NPY1R: variants seen among roughly 807,000 people sequenced by gnomAD.
NPY1R encodes neuropeptide Y receptor type 1.
Under a neutral mutation model 24.1 loss-of-function variants are expected in NPY1R, and 10 were observed. That is an observed-to-expected ratio of 0.42 (90% CI 0.26 to 0.71). The LOEUF (loss-of-function observed/expected upper bound fraction) is 0.71, where lower values mean the gene tolerates loss of function less well. Among genes scored for constraint, NPY1R ranks in the 30% least tolerant of loss-of-function variants. The pLI is 0.28. For synonymous variants in NPY1R, 168 were observed against 165.9 expected, an observed-to-expected ratio of 1.01 and a Z score of -0.10; for missense variants, 350 against 458.0, an observed-to-expected ratio of 0.76 and a Z score of 2.15.
rs990965813 is a variant in NPY1R, at chr4:163,326,024, T to C, written c.531A>G (p.Gln177=). The C allele has an allele frequency of 8.1e-6, 13 of 1,613,998 alleles. No individual in the cohort carries two copies. The highest frequency in any genetic ancestry group is 1.3e-5 in the African/African-American group (1 of 74,928). ...TTTGGAACGGCTCATCAGTCATTACTTGGTAGATCAGGAAAGGCAAAGAAG... is the reference window on the plus strand; with the variant it reads ...TTTGGAACGGCTCATCAGTCATTACCTGGTAGATCAGGAAAGGCAAAGAAG... ...VASSLPFLIY[Q]VMTDEPFQNV... Residue 177 remains glutamine, a synonymous_variant, in exon 2 of 3, where the codon CAA becomes CAG. Transcript: ENST00000296533.
rs894776624 is a variant in NPY1R at position 163,324,896 on chromosome 4, C to T, written c.*407G>A. On this transcript the variant is annotated 3_prime_UTR_variant, in exon 3 of 3. Coordinates refer to ENST00000296533, the MANE Select transcript of NPY1R (RefSeq NM_000909.6). ...ATGCCTATCATAAAGTAAGGATGGC[C>T]CAATCTGTTGACAATCTAATCTAAT... 6.1e-6 allele frequency: 1 copy of T among 163,382 alleles called. No individual in the cohort carries two copies. Among genetic ancestry groups the T allele is most frequent in the African/African-American group, 2.4e-5 (1 of 41,496 alleles). 10.1% of individuals were successfully genotyped at this position (163,382 alleles called of 1,614,324 possible).
intron 1 of NPY1R, among the ~76,000 whole-genome samples, chr4:163,332,111 G>A (rs1339593121): frequency 6.6e-6 from 1 of 152,252 alleles, no homozygotes; most frequent in Admixed American, 6.5e-5. Context: ...AGACACGTAA[G>A]GAAAATGAGC....
At chr4:163,336,992 G>GTT (rs10710696), upstream of NPY1R, among the ~76,000 whole-genome samples, 467 of 150,842 alleles carry the variant, frequency 3.1e-3, 4 homozygotes, top group African/African-American at 0.011. Flanking sequence ...AGGAGAAAGT[G>GTT]TTTTTTTTTT....
At chr4:163,329,528 G>A (rs34999086) in intron 1 of NPY1R, among the ~76,000 whole-genome samples, 3,258 of 152,010 alleles carry the variant, frequency 0.021, 99 homozygotes, top group Admixed American at 0.073. Flanking sequence ...TTGAACCTGG[G>A]AGGCAGAGGT....
chr4:163,342,785 G>A (rs976682033), intron 1 of NPY1R, among the ~76,000 whole-genome samples: 5 of 152,198 alleles, frequency 3.3e-5, no homozygotes, highest in African/African-American at 1.2e-4. Flanking sequence ...TGCTCCCAAG[G>A]GGTACAGTTC....
Position 163,325,126 on chromosome 4 carries a change from G to C in NPY1R, c.*177C>G. ...GAAGACCCCAAAGCCCACACCTTTT[G>C]TTCCAAATGTAATTATGACAACTAC... is the stretch of plus-strand genomic sequence containing the variant. On this transcript the variant is annotated 3_prime_UTR_variant, in exon 3 of 3. Transcript: ENST00000296533. 1.7e-6 allele frequency: 1 copy of C among 593,216 alleles called. No individual in the cohort carries two copies. Among genetic ancestry groups the C allele is most frequent in the Non-Finnish European group, 2.9e-6 (1 of 340,028 alleles). 36.7% of individuals were successfully genotyped at this position (593,216 alleles called of 1,614,324 possible). A position where few individuals can be genotyped will look rare whatever the true frequency, so the allele number is the denominator to read the frequency against.
chr4:163,337,150 G>A (rs1332182218), upstream of NPY1R, among the ~76,000 whole-genome samples: 1 of 152,094 alleles, frequency 6.6e-6, no homozygotes, highest in Non-Finnish European at 1.5e-5. Context: ...AATACATCTA[G>A]AAAGAGTACA....
intron 1 of NPY1R, among the ~76,000 whole-genome samples, chr4:163,330,040 G>C (rs1276067162): frequency 6.6e-6 from 1 of 152,140 alleles, no homozygotes; most frequent in Admixed American, 6.5e-5. Flanking sequence ...CAAGGAAAGA[G>C]AAGAAATGGG....
rs116439828 is a variant in NPY1R at position 163,332,012 on chromosome 4, G to A, written c.-152+470C>T. Among the ~76,000 whole-genome samples the A allele has an allele frequency of 5.0e-3, 767 of 152,280 alleles. 5 individuals carry two copies. The highest frequency in any genetic ancestry group is 0.017 in the African/African-American group (706 of 41,568). On this transcript the variant is annotated intron_variant, in intron 1 of 2. Coordinates refer to ENST00000296533, the MANE Select transcript of NPY1R (RefSeq NM_000909.6). The stretch of plus-strand genomic sequence containing the variant: ...CGGGACCCGTGCGACGCTGGGCGAC[G>A]CGCCAAGCCCACCCTTCTCCGGCTC...
At chr4:163,335,563 T>G (rs952230861), upstream of NPY1R, among the ~76,000 whole-genome samples, 1 of 152,282 alleles carries the variant, frequency 6.6e-6, no homozygotes, top group East Asian at 1.9e-4. Flanking sequence ...TAAATTACCA[T>G]GAATTGTCAC....
chr4:163,328,227 C>T (rs79607337), intron 1 of NPY1R, among the ~76,000 whole-genome samples: 6,137 of 152,050 alleles, frequency 0.04, 174 homozygotes, highest in Non-Finnish European at 0.06. Flanking sequence ...TTATTAGAAA[C>T]GTGGCTCTCT....
At chr4:163,330,651 C>T (rs1289941606) in intron 1 of NPY1R, 1 of 152,214 alleles carries the variant, frequency 6.6e-6, no homozygotes, top group Non-Finnish European at 1.5e-5. Context: ...ACTGTTAAAT[C>T]TCAGTGTAGC....
At chr4:163,329,009 C>G (rs1348763727) in intron 1 of NPY1R, among the ~76,000 whole-genome samples, 2 of 152,162 alleles carry the variant, frequency 1.3e-5, no homozygotes, top group African/African-American at 4.8e-5. Context: ...ATCAATAGCT[C>G]AATTCCATCA....
chr4:163,334,955 T>C (rs34605171), upstream of NPY1R, among the ~76,000 whole-genome samples: 3,290 of 149,632 alleles, frequency 0.022, 101 homozygotes, highest in Admixed American at 0.076. Context: ...ATGTGAAAAA[T>C]AGAGAAATTA....
At chr4:163,328,465 A>G (rs1734657751) in intron 1 of NPY1R, among the ~76,000 whole-genome samples, 1 of 152,248 alleles carries the variant, frequency 6.6e-6, no homozygotes, top group Non-Finnish European at 1.5e-5. Flanking sequence ...GATATTTAAC[A>G]TGACTTATCA....
At chr4:163,335,658 A>G (rs1469648414), upstream of NPY1R, among the ~76,000 whole-genome samples, 2 of 152,160 alleles carry the variant, frequency 1.3e-5, no homozygotes, top group Non-Finnish European at 2.9e-5. Context: ...CCATGGGGGT[A>G]GAACTATGAT....
chr4:163,343,991 G>A (rs1735091367), intron 1 of NPY1R: 2 of 152,564 alleles, frequency 1.3e-5, no homozygotes, highest in East Asian at 1.9e-4. Context: ...AGCGGCCGGG[G>A]CGCCCCGAGG....
In NPY1R at chr4:163,338,855, ATTC is replaced by A. The variant is rs755616280; in HGVS notation, c.-152+5447_-152+5449del. On this transcript the variant is annotated intron_variant, in intron 1 of 1. Transcript: ENST00000511901. ...GCTTATGGACCTGATCAGTAGCATC[ATTC>A]TTCTCCCTCAAGCCAGAACCTAAGA... Among the ~76,000 whole-genome samples, 8 of 152,084 alleles carry A rather than the reference ATTC, an allele frequency of 5.3e-5. No homozygotes were observed. In the East Asian group the frequency reaches 9.7e-4, roughly 18 times the overall value.
intron 1 of NPY1R, among the ~76,000 whole-genome samples, chr4:163,338,303 C>A (rs1009421946): frequency 2.0e-5 from 3 of 152,186 alleles, no homozygotes; most frequent in South Asian, 2.1e-4. Context: ...TAAATATAGT[C>A]AAAAATAAAT....
Sources: gnomAD v4.1 joint callset for allele counts (sites outside exome capture counted in the v4.1 genomes callset) on GRCh38, gnomAD v4.1.1 for gene constraint, MANE v1.5 for transcripts, NCBI Gene and HGNC (gene_info 2026-07-23, HGNC 2026-07-21) for gene names.